Variants in FTCDNL1 observed in about 807,000 individuals in gnomAD.
FTCDNL1 encodes formiminotransferase N-terminal subdomain-containing protein.
FTCDNL1 carries 11 observed loss-of-function variants against 5.9 expected under a neutral mutation model. The ratio of observed to expected loss-of-function variants is 1.87; its 90% CI spans 1.18 to 3.10. The LOEUF (loss-of-function observed/expected upper bound fraction) is 3.10. Ranked by LOEUF, FTCDNL1 falls within the 30% of genes most tolerant of loss-of-function variation. FTCDNL1 has a pLI of 0.00. For synonymous variants in FTCDNL1, 58 were observed against 24.8 expected, an observed-to-expected ratio of 2.34 and a Z score of -3.99; for missense variants, 115 against 65.5, an observed-to-expected ratio of 1.76 and a Z score of -2.61.
the FTCDNL1 span, among the ~76,000 whole-genome samples, chr2:199,709,351 C>A: frequency 7.1e-4 from 108 of 152,174 alleles, 1 homozygote; most frequent in Middle Eastern, 3.4e-3. Context: ...CTCCTTTTAA[C>A]CCAGGGCAGC....
chr2:199,849,008 G>T, intron 1 of FTCDNL1, 39 bp from the exon 2 acceptor site: 1 of 679,030 alleles, frequency 1.5e-6, no homozygotes, highest in South Asian at 1.6e-5. Context: ...CTCTAGAGTT[G>T]ATTCATATTT....
chr2:199,672,741 C>G, the FTCDNL1 span, among the ~76,000 whole-genome samples: 1 of 152,132 alleles, frequency 6.6e-6, no homozygotes, highest in Non-Finnish European at 1.5e-5. Context: ...ATCAGGGCAG[C>G]TCTAGGATAT....
chr2:199,684,355 A>G, the FTCDNL1 span, among the ~76,000 whole-genome samples: 1 of 152,224 alleles, frequency 6.6e-6, no homozygotes, highest in East Asian at 1.9e-4. Context: ...CTGAAGACAG[A>G]TGGCGCTATA....
At chr2:199,737,007 C>T in the FTCDNL1 span, among the ~76,000 whole-genome samples, 1 of 152,270 alleles carries the variant, frequency 6.6e-6, no homozygotes, top group African/African-American at 2.4e-5. Flanking sequence ...AAGCCATTGG[C>T]TGCCAGACTG....
chr2:199,830,261 T>C (rs1702283103), intron 3 of FTCDNL1, among the ~76,000 whole-genome samples: 1 of 152,182 alleles, frequency 6.6e-6, no homozygotes, highest in South Asian at 2.1e-4. Context: ...AGTTTTTGCC[T>C]AAACTCATGC....
the FTCDNL1 span, among the ~76,000 whole-genome samples, chr2:199,735,603 A>T: frequency 6.6e-6 from 1 of 152,096 alleles, no homozygotes; most frequent in Non-Finnish European, 1.5e-5. Flanking sequence ...CCTCAGGTAA[A>T]AAAACTTCTT....
the FTCDNL1 span, among the ~76,000 whole-genome samples, chr2:199,750,905 T>C: frequency 6.6e-6 from 1 of 152,258 alleles, no homozygotes; most frequent in Admixed American, 6.5e-5. Context: ...TGTCATATTA[T>C]AATTGCTACA....
At position 199,812,727 on chromosome 2, in the gene FTCDNL1, A is replaced by G; in HGVS notation, c.398-3T>C. ...CTGTCACAACGCCCTGAAGCAAGCT[A>G]AAAACAAGGAAAAAAATCTTTGGTA... On this transcript the variant is annotated splice_polypyrimidine_tract_variant and splice_region_variant and intron_variant, in intron 4 of 4. Transcript: ENST00000420128. 1 of 698,200 alleles carries G rather than the reference A, an allele frequency of 1.4e-6. No homozygotes were observed. The highest frequency in any genetic ancestry group is 2.6e-6 in the Non-Finnish European group (1 of 383,428). 43.3% of individuals were successfully genotyped at this position (698,200 alleles called of 1,614,324 possible).
At position 199,827,327 on chromosome 2, in the gene FTCDNL1, G is replaced by C. The variant is rs981345480; in HGVS notation, c.212-7570C>G. Among the ~76,000 whole-genome samples, 3 of 152,148 alleles carry C rather than the reference G, an allele frequency of 2.0e-5. No individual in the cohort carries two copies. In the South Asian group the frequency reaches 6.2e-4, roughly 32 times the overall value. On this transcript the variant is annotated intron_variant, in intron 3 of 4. Coordinates refer to ENST00000420128, the MANE Select transcript of FTCDNL1 (RefSeq NM_001363886.2). Reference sequence around the variant, plus strand: ...GTAAATGGCAGGGAAAAAACTGGGGGATTTCGGGGGACAGGGAGACTGGTG... The same window carrying C: ...GTAAATGGCAGGGAAAAAACTGGGGCATTTCGGGGGACAGGGAGACTGGTG...
chr2:199,746,021 G>A, the FTCDNL1 span, among the ~76,000 whole-genome samples: 1 of 152,216 alleles, frequency 6.6e-6, no homozygotes, highest in African/African-American at 2.4e-5. Context: ...GATTTTACGT[G>A]ACATTAAAAT....
chr2:199,842,511 T>C (rs967420232), intron 3 of FTCDNL1, among the ~76,000 whole-genome samples: 13 of 152,206 alleles, frequency 8.5e-5, no homozygotes, highest in Admixed American at 6.5e-5. Context: ...TGAGTGTATG[T>C]CTCTATGTAT....
intron 2 of FTCDNL1, among the ~76,000 whole-genome samples, chr2:199,848,115 T>C (rs1435386241): frequency 2.0e-5 from 3 of 152,378 alleles, no homozygotes; most frequent in East Asian, 3.9e-4. Context: ...TAAATGATTG[T>C]ATACACTGTT....
the FTCDNL1 span, among the ~76,000 whole-genome samples, chr2:199,678,816 A>G: frequency 2.0e-5 from 3 of 152,140 alleles, no homozygotes; most frequent in East Asian, 5.8e-4. Context: ...GTTACATATT[A>G]TAACTCATTT....
chr2:199,733,804 C>A, the FTCDNL1 span, among the ~76,000 whole-genome samples: 1 of 152,082 alleles, frequency 6.6e-6, no homozygotes, highest in Admixed American at 6.6e-5. Flanking sequence ...CATTTAGAAA[C>A]CTTTATATAA....
At chr2:199,796,209 T>G (rs544834595) in intron 3 of FTCDNL1, among the ~76,000 whole-genome samples, 2 of 152,294 alleles carry the variant, frequency 1.3e-5, no homozygotes, top group South Asian at 4.2e-4. Flanking sequence ...GCTTAAAAAT[T>G]TTGTGCAAGT....
At chr2:199,692,185 C>A in the FTCDNL1 span, among the ~76,000 whole-genome samples, 1 of 152,006 alleles carries the variant, frequency 6.6e-6, no homozygotes, top group Admixed American at 6.6e-5. Flanking sequence ...TTCTACCAGG[C>A]ATTAATTTAA....
downstream of FTCDNL1, among the ~76,000 whole-genome samples, chr2:199,807,608 AC>A (rs1700797676): frequency 6.6e-6 from 1 of 152,182 alleles, no homozygotes; most frequent in Non-Finnish European, 1.5e-5. Flanking sequence ...CTGCACTCCA[AC>A]CTGGGTAACA....
chr2:199,753,763 G>C, the FTCDNL1 span, among the ~76,000 whole-genome samples: 1 of 152,152 alleles, frequency 6.6e-6, no homozygotes, highest in African/African-American at 2.4e-5. Flanking sequence ...AAAATGAAGA[G>C]GTAGGTCAGA....
At chr2:199,715,334 C>G in the FTCDNL1 span, among the ~76,000 whole-genome samples, 12 of 152,126 alleles carry the variant, frequency 7.9e-5, no homozygotes, top group African/African-American at 2.4e-4. Flanking sequence ...CCCCATGTGT[C>G]ATGGGAGGGA....
Sources: allele counts gnomAD v4.1 joint callset (sites outside exome capture counted in the v4.1 genomes callset), GRCh38; gene constraint gnomAD v4.1.1; transcripts MANE v1.5; gene names NCBI Gene and HGNC (gene_info 2026-07-23, HGNC 2026-07-21).